The following MADCAM1 variants were observed in gnomAD, a reference collection of about 807,000 sequenced individuals.
MADCAM1 encodes mucosal vascular addressin cell adhesion molecule 1.
In MADCAM1, 19 loss-of-function variants were observed where a neutral mutation model predicts 26.1. The ratio of observed to expected loss-of-function variants is 0.73; its 90% CI spans 0.51 to 1.07. The LOEUF (loss-of-function observed/expected upper bound fraction) is 1.07, where lower values mean the gene tolerates loss of function less well. Ranked by LOEUF, MADCAM1 falls within the 50% of genes least tolerant of loss-of-function variation. The pLI is 0.00. For missense variants in MADCAM1, 514 were observed against 542.1 expected, an observed-to-expected ratio of 0.95 and a Z score of 0.51; for synonymous variants, 268 against 260.9, an observed-to-expected ratio of 1.03 and a Z score of -0.26.
intron 3 of MADCAM1, among the ~76,000 whole-genome samples, chr19:499,626 C>T (rs1978308917): frequency 6.6e-6 from 1 of 152,224 alleles, no homozygotes; most frequent in South Asian, 2.1e-4. Flanking sequence ...CATCTGACAT[C>T]CCCCAGTCCC....
At chr19:502,061 G>GTCTGCCCAGCCTCGGTTTCCCGA in intron 4 of MADCAM1, 132 bp downstream of exon 4, 2 of 1,028,244 alleles carry the variant, frequency 1.9e-6, no homozygotes, top group Non-Finnish European at 2.7e-6. Flanking sequence ...CAGTTTCCCC[G>GTCTGCCCAGCCTCGGTTTCCCGA]TCTGCCCAGC....
At chr19:501,640 G>A (rs1600388864) in intron 3 of MADCAM1, 29 bp from the exon 4 acceptor site, 1 of 1,370,604 alleles carries the variant, frequency 7.3e-7, no homozygotes, top group African/African-American at 3.4e-5. Flanking sequence ...GCAGCAGAGA[G>A]GAAAAAAAAA....
In MADCAM1 at chr19:502,668, A is replaced by C. The variant is rs118175540; in HGVS notation, c.928+739A>C. Among the ~76,000 whole-genome samples the C allele has an allele frequency of 5.2e-3, 791 of 152,320 alleles. 4 individuals carry two copies. The highest frequency in any genetic ancestry group is 9.7e-3 in the Non-Finnish European group (663 of 68,026). On this transcript the variant is annotated intron_variant, in intron 4 of 4. Transcript: ENST00000215637. ...AAGAAATAGCACTCAAACAAATTTA[A>C]TTCTCTCAGCAAGGCCACTTTTACT... is the stretch of plus-strand genomic sequence containing the variant.
intron 4 of MADCAM1, among the ~76,000 whole-genome samples, chr19:502,178 T>G (rs1296451742): frequency 6.6e-6 from 1 of 152,224 alleles, no homozygotes; most frequent in Non-Finnish European, 1.5e-5. Context: ...TTCTCTTAAC[T>G]GTGGGTCCTT....
At chr19:498,165 C>G in intron 2 of MADCAM1, 48 bp downstream of exon 2, 1 of 1,297,492 alleles carries the variant, frequency 7.7e-7, no homozygotes, top group Non-Finnish European at 9.8e-7. Flanking sequence ...GGACTCCCGG[C>G]TCCTTCCCTA....
In MADCAM1 at chr19:497,964, G is replaced by A; in HGVS notation, c.184G>A (p.Gly62Ser). Reference sequence around the variant, plus strand: ...CCGCGGGGCCTCGGTGCAGTGGCGGGGCCTGGACACCAGCCTGGGCGCGGT... The same window carrying A: ...CCGCGGGGCCTCGGTGCAGTGGCGGAGCCTGGACACCAGCCTGGGCGCGGT... The part of the protein sequence containing the change: ...ADRGASVQWR[G>S]LDTSLGAVQS... Residue 62 changes from glycine to serine, a missense_variant, in exon 2 of 5, where the codon GGC becomes AGC. Gly to Ser is a moderately conservative substitution (Grantham distance 56). Coordinates refer to ENST00000215637, the MANE Select transcript of MADCAM1 (RefSeq NM_130760.3). 1 of 1,492,460 alleles carries A rather than the reference G, an allele frequency of 6.7e-7. No homozygotes were observed. Among genetic ancestry groups the A allele is most frequent in the Non-Finnish European group, 8.9e-7 (1 of 1,127,370 alleles). 92.5% of individuals were successfully genotyped at this position (1,492,460 alleles called of 1,614,324 possible). A position where few individuals can be genotyped will look rare whatever the true frequency, so the allele number is the denominator to read the frequency against.
At chr19:498,353 C>T in intron 2 of MADCAM1, 143 bp from the exon 3 acceptor site, 1 of 975,172 alleles carries the variant, frequency 1.0e-6, no homozygotes, top group Non-Finnish European at 1.4e-6. Context: ...ACGGGGCCTG[C>T]GCACAGGCCG....
At chr19:497,448 G>A (rs1978291220) in intron 1 of MADCAM1, among the ~76,000 whole-genome samples, 2 of 147,712 alleles carry the variant, frequency 1.4e-5, no homozygotes, top group Non-Finnish European at 3.0e-5. Context: ...GGCTCGGAGG[G>A]GGCGCGGGAG....
intron 4 of MADCAM1, 96 bp downstream of exon 4, chr19:502,025 C>G (rs903561072): frequency 4.7e-6 from 6 of 1,276,308 alleles, no homozygotes; most frequent in Non-Finnish European, 6.2e-6. Context: ...CCCTGCCCAG[C>G]CTTGGTTTCC....
intron 1 of MADCAM1, among the ~76,000 whole-genome samples, chr19:497,494 T>G (rs191822938): frequency 0.016 from 1,175 of 75,732 alleles, 27 homozygotes; most frequent in African/African-American, 0.051. Flanking sequence ...GGCTCCGAGA[T>G]AGGGGGTGAT....
At chr19:499,716 G>A (rs1028449067) in intron 3 of MADCAM1, 4 of 426,994 alleles carry the variant, frequency 9.4e-6, no homozygotes, top group South Asian at 1.7e-5. Context: ...TGTGTCCACA[G>A]AAGCTAGAAC....
chr19:501,738 C>CCTCCCGACACCACCTGCCA lies in MADCAM1; in HGVS notation c.737_738insCTCCCGACACCACCTGCCA (p.Glu247SerfsTer54), dbSNP rs770954228. 1.3e-6 allele frequency: 1 copy of CCTCCCGACACCACCTGCCA among 765,924 alleles called. No individual in the cohort carries two copies. Among genetic ancestry groups the CCTCCCGACACCACCTGCCA allele is most frequent in the African/African-American group, 2.9e-5 (1 of 34,702 alleles). The allele number at this position is 765,924 out of a possible 1,614,324, so 47.4% of individuals were successfully genotyped here. On this transcript the variant is annotated frameshift_variant, in exon 4 of 5. Coordinates refer to ENST00000215637, the MANE Select transcript of MADCAM1 (RefSeq NM_130760.3). LOFTEE classifies it high-confidence loss of function. ...CCGGAGTCTCCCGACACCACCTCCC[C>CCTCCCGACACCACCTGCCA]GGAGTCTCCCGACACCACCTCCCAG...
In MADCAM1 at chr19:504,911, G is replaced by A. The variant is rs777718695; in HGVS notation, c.1095G>A (p.Val365=). 6.2e-7 allele frequency: 1 copy of A among 1,612,434 alleles called. No homozygotes were observed. Among genetic ancestry groups the A allele is most frequent in the Admixed American group, 1.7e-5 (1 of 59,998 alleles). ...PPASLRLLPQ[V]SAWAGLRGTG... ...CTTCTCTGAGGCTTCTGCCCCAGGT[G>A]TCGGCCTGGGCTGGGTTAAGGGGGA... The change falls in exon 5 of 5, where the codon GTG becomes GTA. Residue 365 remains valine (V), a synonymous_variant. Coordinates refer to ENST00000215637, the MANE Select transcript of MADCAM1 (RefSeq NM_130760.3).
At position 504,857 on chromosome 19, in the gene MADCAM1, C is replaced by G. The variant is rs199656590; in HGVS notation, c.1041C>G (p.His347Gln). The G allele has an allele frequency of 1.2e-6, 2 of 1,612,958 alleles. No homozygotes were observed. Among genetic ancestry groups the G allele is most frequent in the South Asian group, 1.1e-5 (1 of 91,070 alleles). The stretch of plus-strand genomic sequence containing the variant: ...ATCACCTCTGGAAACGCTGCCGGCA[C>G]CTGGCTGAGGACGACACCCACCCAC... ...PTYHLWKRCR[H>Q]LAEDDTHPPA... is the part of the protein sequence containing the mutation. The change falls in exon 5 of 5, where the codon CAC becomes CAG. Residue 347 changes from histidine to glutamine, a missense_variant. Coordinates refer to ENST00000215637, the MANE Select transcript of MADCAM1 (RefSeq NM_130760.3).
At chr19:499,048 C>T (rs1488573413) in intron 3 of MADCAM1, 2 of 776,654 alleles carry the variant, frequency 2.6e-6, no homozygotes, top group Non-Finnish European at 4.4e-6. Flanking sequence ...CGCTCCATGG[C>T]TCTTGCCTTG....
intron 3 of MADCAM1, among the ~76,000 whole-genome samples, chr19:500,697 C>T (rs1014063359): frequency 2.6e-5 from 4 of 152,098 alleles, no homozygotes; most frequent in African/African-American, 4.8e-5. Context: ...GGTGAAACCC[C>T]GTCCCCTACT....
At position 504,860 on chromosome 19, in the gene MADCAM1, G is replaced by A; in HGVS notation, c.1044G>A (p.Leu348=). 1 of 1,612,972 alleles carries A rather than the reference G, an allele frequency of 6.2e-7. No individual in the cohort carries two copies. Among genetic ancestry groups the A allele is most frequent in the Non-Finnish European group, 8.5e-7 (1 of 1,179,970 alleles). ...ACCTCTGGAAACGCTGCCGGCACCTGGCTGAGGACGACACCCACCCACCAG... is the reference window on the plus strand; with the variant it reads ...ACCTCTGGAAACGCTGCCGGCACCTAGCTGAGGACGACACCCACCCACCAG... ...TYHLWKRCRH[L]AEDDTHPPAS... Residue 348 remains leucine, a synonymous_variant, in exon 5 of 5, where the codon CTG becomes CTA. Coordinates refer to ENST00000215637, the MANE Select transcript of MADCAM1 (RefSeq NM_130760.3).
intron 4 of MADCAM1, among the ~76,000 whole-genome samples, chr19:502,542 T>C (rs1978395877): frequency 6.6e-6 from 1 of 152,112 alleles, no homozygotes; most frequent in African/African-American, 2.4e-5. Flanking sequence ...CCTGAGGTGA[T>C]CTGCCCGCCT....
chr19:499,256 G>A, intron 3 of MADCAM1: 1 of 466,112 alleles, frequency 2.1e-6, no homozygotes, highest in Non-Finnish European at 4.3e-6. Context: ...CCCTCTGCCG[G>A]GAATACCCTT....
Sources: allele counts gnomAD v4.1 joint callset (sites outside exome capture counted in the v4.1 genomes callset), GRCh38; gene constraint gnomAD v4.1.1; transcripts MANE v1.5; gene names NCBI Gene and HGNC (gene_info 2026-07-23, HGNC 2026-07-21).